The following ENOX1 variants were observed in gnomAD, a reference collection of about 807,000 sequenced individuals.
The protein encoded by ENOX1 is candidate growth-related and time keeping constitutive hydroquinone (NADH) oxidase.
Under a neutral mutation model 82.5 loss-of-function variants are expected in ENOX1, and 42 were observed. The observed-to-expected ratio is 0.51, with a 90% CI of 0.40 to 0.66. The LOEUF is 0.66. Among genes scored for constraint, ENOX1 ranks in the 30% least tolerant of loss-of-function variants. The pLI is 0.00. For missense variants in ENOX1, 608 were observed against 811.6 expected (o/e 0.75, Z 3.05); for synonymous variants, 271 against 282.2 (o/e 0.96, Z 0.40).
At chr13:43,485,238 C>A (rs1288494232) in intron 2 of ENOX1, among the ~76,000 whole-genome samples, 1 of 152,140 alleles carries the variant, frequency 6.6e-6, no homozygotes, top group South Asian at 2.1e-4. Context: ...AACACAGAGA[C>A]CCCCTGCAAC....
chr13:43,671,794 AC>A (rs1345018700), intron 1 of ENOX1, among the ~76,000 whole-genome samples: 1 of 152,058 alleles, frequency 6.6e-6, no homozygotes, highest in Non-Finnish European at 1.5e-5. Context: ...CTCTGGATTC[AC>A]CTCTGAATTC....
intron 2 of ENOX1, among the ~76,000 whole-genome samples, chr13:43,566,052 TAAG>T: frequency 6.6e-6 from 1 of 152,288 alleles, no homozygotes; most frequent in East Asian, 1.9e-4. Context: ...TGATGATAAT[TAAG>T]AAAAGGAAAT....
At chr13:43,496,918 A>G (rs897361226) in intron 2 of ENOX1, among the ~76,000 whole-genome samples, 1 of 152,152 alleles carries the variant, frequency 6.6e-6, no homozygotes. Flanking sequence ...ATAAGTCCTT[A>G]TAATTCTGTA....
intron 3 of ENOX1, 130 bp downstream of exon 3, chr13:43,483,879 T>C: frequency 2.5e-6 from 1 of 394,454 alleles, no homozygotes; most frequent in Non-Finnish European, 3.4e-6. Flanking sequence ...TCAATGAAAT[T>C]AAGAAATGAA....
chr13:43,265,293 AG>A (rs2044303695), intron 14 of ENOX1, 104 bp downstream of exon 14: 1 of 919,032 alleles, frequency 1.1e-6, no homozygotes, highest in South Asian at 1.9e-5. Flanking sequence ...AGCTGCTGAC[AG>A]GCAGAGCTTC....
intron 2 of ENOX1, among the ~76,000 whole-genome samples, chr13:43,603,373 T>A (rs940732227): frequency 2.0e-5 from 3 of 149,690 alleles, no homozygotes; most frequent in East Asian, 2.0e-4. Context: ...CTTTTATTTA[T>A]TTTATTTATT....
intron 11 of ENOX1, among the ~76,000 whole-genome samples, chr13:43,309,025 CTTT>C (rs138771171): frequency 0.013 from 1,789 of 138,546 alleles, 25 homozygotes; most frequent in African/African-American, 0.039. Flanking sequence ...CTCAAAGTTA[CTTT>C]TTTTTTTTTT....
At chr13:43,602,814 T>C (rs1441619274) in intron 2 of ENOX1, among the ~76,000 whole-genome samples, 5 of 152,050 alleles carry the variant, frequency 3.3e-5, no homozygotes, top group Middle Eastern at 3.4e-3. Flanking sequence ...AAACCAATCA[T>C]GAAATATGTG....
At chr13:43,365,677 G>C (rs1398378898) in intron 5 of ENOX1, among the ~76,000 whole-genome samples, 1 of 152,240 alleles carries the variant, frequency 6.6e-6, no homozygotes, top group Non-Finnish European at 1.5e-5. Flanking sequence ...AAGCAAGACA[G>C]GATTCAGACA....
At position 43,216,070 on chromosome 13, in the gene ENOX1, C is replaced by T. The variant is rs148242806; in HGVS notation, c.1801-1949G>A. Among the ~76,000 whole-genome samples, 561 of 152,280 alleles carry T rather than the reference C, an allele frequency of 3.7e-3. 5 individuals are homozygous for T. The highest frequency in any genetic ancestry group is 0.013 in the African/African-American group (545 of 41,552). On this transcript the variant is annotated intron_variant, in intron 16 of 16. Coordinates refer to ENST00000690772, the MANE Select transcript of ENOX1 (RefSeq NM_001347969.2). ...AATTAGCCGGGTGTGGTGGCGCGTG[C>T]CTGTAATCCCAGCTACTCAGGAGGC...
intron 1 of ENOX1, among the ~76,000 whole-genome samples, chr13:43,733,867 A>G (rs1045291134): frequency 1.3e-5 from 2 of 152,130 alleles, no homozygotes; most frequent in Non-Finnish European, 2.9e-5. Flanking sequence ...GTAAACCTAT[A>G]AGAGAGAACA....
intron 9 of ENOX1, among the ~76,000 whole-genome samples, chr13:43,332,955 G>A (rs1379468660): frequency 6.6e-6 from 1 of 152,036 alleles, no homozygotes; most frequent in African/African-American, 2.4e-5. Flanking sequence ...ACAGATCCTA[G>A]CACATCCATC....
At chr13:43,616,117 G>GATATCTATCTAGATAGATATCTATAT (rs1357546310) in intron 2 of ENOX1, among the ~76,000 whole-genome samples, 1 of 14,976 alleles carries the variant, frequency 6.7e-5, no homozygotes, top group African/African-American at 1.7e-4. Flanking sequence ...GATATCTATA[G>GATATCTATCTAGATAGATATCTATAT]ATCTATAGAT....
At chr13:43,253,150 T>C (rs1193635265) in intron 14 of ENOX1, among the ~76,000 whole-genome samples, 1 of 152,182 alleles carries the variant, frequency 6.6e-6, no homozygotes, top group African/African-American at 2.4e-5. Flanking sequence ...ATTTCACAGC[T>C]AGAGTTGGCA....
chr13:43,684,723 C>T (rs1022326598), intron 1 of ENOX1, among the ~76,000 whole-genome samples: 9 of 152,132 alleles, frequency 5.9e-5, no homozygotes, highest in African/African-American at 1.4e-4. Context: ...CTGATATGAC[C>T]TCTTTGGAGG....
At chr13:43,238,531 A>G (rs1457149927) in intron 14 of ENOX1, among the ~76,000 whole-genome samples, 2 of 152,210 alleles carry the variant, frequency 1.3e-5, no homozygotes, top group Admixed American at 1.3e-4. Context: ...TGCCCTAAGG[A>G]CAAATAGGTC....
At chr13:43,420,175 G>A (rs1299502449) in intron 3 of ENOX1, among the ~76,000 whole-genome samples, 4 of 152,116 alleles carry the variant, frequency 2.6e-5, no homozygotes, top group Non-Finnish European at 4.4e-5. Flanking sequence ...CCATACTCTC[G>A]AGGTTATGGA....
intron 11 of ENOX1, among the ~76,000 whole-genome samples, chr13:43,316,437 T>G (rs1172069697): frequency 6.6e-6 from 1 of 152,144 alleles, no homozygotes. Flanking sequence ...ATCATGGCAT[T>G]GATAGGTGCT....
chr13:43,783,027 GTAGGA>G (rs1208126917), intron 1 of ENOX1, among the ~76,000 whole-genome samples: 4 of 152,172 alleles, frequency 2.6e-5, no homozygotes, highest in East Asian at 1.9e-4. Flanking sequence ...CCATTGCTTT[GTAGGA>G]TAGGAGATTG....
Sources: allele counts gnomAD v4.1 joint callset (sites outside exome capture counted in the v4.1 genomes callset), GRCh38; gene constraint gnomAD v4.1.1; transcripts MANE v1.5; gene names NCBI Gene and HGNC (gene_info 2026-07-23, HGNC 2026-07-21).